Variants in KYAT1 observed in about 807,000 individuals in gnomAD.
KYAT1 encodes kynurenine aminotransferase 1.
KYAT1 carries 47 observed loss-of-function variants against 52.4 expected under a neutral mutation model. The observed-to-expected ratio is 0.90, with a 90% CI of 0.71 to 1.14. KYAT1 has a LOEUF of 1.14. KYAT1 is among the 50% of genes most tolerant of loss of function. KYAT1 has a pLI of 0.00. For synonymous variants in KYAT1, 212 were observed against 209.6 expected, an observed-to-expected ratio of 1.01 and a Z score of -0.10; for missense variants, 480 against 557.9, an observed-to-expected ratio of 0.86 and a Z score of 1.41.
intron 1 of KYAT1, among the ~76,000 whole-genome samples, chr9:128,858,047 T>C (rs774062931): frequency 6.6e-6 from 1 of 151,914 alleles, no homozygotes; most frequent in African/African-American, 2.4e-5. Context: ...AGACAGCCCA[T>C]GGAATGGAAG....
intron 1 of KYAT1, among the ~76,000 whole-genome samples, chr9:128,856,611 A>G (rs549296940): frequency 6.6e-6 from 1 of 152,322 alleles, no homozygotes; most frequent in Admixed American, 6.5e-5. Context: ...TTGAGCTCAC[A>G]AAAACATGTG....
chr9:128,844,586 A>G (rs1264553609), intron 2 of KYAT1, among the ~76,000 whole-genome samples: 1 of 149,618 alleles, frequency 6.7e-6, no homozygotes, highest in Non-Finnish European at 1.5e-5. Flanking sequence ...GCTACTTGGG[A>G]GGCTGAGGCA....
At chr9:128,870,684 G>A (rs574390950) in intron 1 of KYAT1, among the ~76,000 whole-genome samples, 1 of 152,204 alleles carries the variant, frequency 6.6e-6, no homozygotes, top group South Asian at 2.1e-4. Flanking sequence ...GACAAAAAAG[G>A]TCACATAGCT....
At chr9:128,834,862 A>C (rs1292260514) in intron 11 of KYAT1, among the ~76,000 whole-genome samples, 2 of 127,548 alleles carry the variant, frequency 1.6e-5, no homozygotes, top group African/African-American at 6.2e-5. Context: ...AAAGGCCAGG[A>C]GCAGTGGCTC....
At chr9:128,857,010 T>C (rs1257202059) in intron 1 of KYAT1, among the ~76,000 whole-genome samples, 1 of 152,390 alleles carries the variant, frequency 6.6e-6, no homozygotes, top group East Asian at 1.9e-4. Flanking sequence ...TATACATTTG[T>C]TCAATTCTGA....
intron 1 of KYAT1, among the ~76,000 whole-genome samples, chr9:128,865,528 A>C (rs1836253187): frequency 6.7e-6 from 1 of 149,552 alleles, no homozygotes; most frequent in African/African-American, 2.5e-5. Context: ...ACACCAGGCT[A>C]ATTTTGTATT....
chr9:128,869,620 G>A (rs1836942421), intron 1 of KYAT1, among the ~76,000 whole-genome samples: 1 of 152,184 alleles, frequency 6.6e-6, no homozygotes, highest in East Asian at 1.9e-4. Context: ...TTATTGCAGA[G>A]ATGGGGTCTC....
intron 1 of KYAT1, among the ~76,000 whole-genome samples, chr9:128,854,593 G>GGTAAC (rs1834364313): frequency 6.6e-6 from 1 of 152,132 alleles, no homozygotes; most frequent in South Asian, 2.1e-4. Context: ...AGTACACAAG[G>GGTAAC]GTAACACAAA....
At chr9:128,867,816 A>C (rs1836619128) in intron 1 of KYAT1, among the ~76,000 whole-genome samples, 1 of 152,274 alleles carries the variant, frequency 6.6e-6, no homozygotes, top group Non-Finnish European at 1.5e-5. Flanking sequence ...TCTGTCGCCC[A>C]GGCTGGAGTG....
In KYAT1 at chr9:128,843,533, C is replaced by T. The variant is rs977471787; in HGVS notation, c.54-732G>A. On this transcript the variant is annotated intron_variant, in intron 2 of 12. Coordinates refer to ENST00000302586, the MANE Select transcript of KYAT1 (RefSeq NM_004059.5). ...AGCTGGGATTACAGGCACCCGCCAC[C>T]ACGCCCAGCTAATTTTTGTATTTTT... Among the ~76,000 whole-genome samples the T allele has an allele frequency of 2.6e-5, 4 of 152,082 alleles. No homozygotes were observed. In the South Asian group the frequency reaches 8.3e-4, roughly 32 times the overall value.
At chr9:128,869,997 C>T (rs1296672828) in intron 1 of KYAT1, among the ~76,000 whole-genome samples, 1 of 151,718 alleles carries the variant, frequency 6.6e-6, no homozygotes, top group Non-Finnish European at 1.5e-5. Context: ...CAGGTGATCC[C>T]CCCGCCTCAG....
chr9:128,847,530 C>T, intron 1 of KYAT1: 1 of 1,533,970 alleles, frequency 6.5e-7, no homozygotes, highest in Non-Finnish European at 8.7e-7. Flanking sequence ...CCTGAACATG[C>T]CTCCCAGAGC....
In KYAT1 at chr9:128,835,666, G is replaced by T; in HGVS notation, c.857C>A (p.Ala286Asp). 1 of 1,609,430 alleles carries T rather than the reference G, an allele frequency of 6.2e-7. No homozygotes were observed. ...SVFHCPTQSQ[A>D]AVAESFEREQ... is the part of the protein sequence containing the mutation. ...CCGTTCAAAGCTCTCGGCTACTGCAGCCTGGGCAGGGCAGATGGACACACA... is the reference window on the plus strand; with the variant it reads ...CCGTTCAAAGCTCTCGGCTACTGCATCCTGGGCAGGGCAGATGGACACACA... The change falls in exon 10 of 13, where the codon GCT (alanine) becomes GAT (aspartate). Residue 286 changes from alanine to aspartate, a missense_variant and splice_region_variant. By Grantham distance (126) the Ala-to-Asp change is moderately radical. Transcript: ENST00000302586.
chr9:128,861,108 G>T (rs1354243490), intron 1 of KYAT1, among the ~76,000 whole-genome samples: 1 of 152,196 alleles, frequency 6.6e-6, no homozygotes, highest in African/African-American at 2.4e-5. Context: ...CAAAGACCGT[G>T]ATATCTGCCA....
intron 3 of KYAT1, 42 bp from the exon 4 acceptor site, chr9:128,838,409 C>A (rs1831531365): frequency 1.9e-6 from 3 of 1,612,132 alleles, no homozygotes; most frequent in Non-Finnish European, 2.5e-6. Flanking sequence ...TCAGCCTGGG[C>A]CCATCCTCCG....
chr9:128,860,829 C>T (rs1835369651), intron 1 of KYAT1, among the ~76,000 whole-genome samples: 1 of 152,114 alleles, frequency 6.6e-6, no homozygotes, highest in Non-Finnish European at 1.5e-5. Context: ...TCCCAAAGTG[C>T]TGGGATTACA....
chr9:128,873,178 T>A (rs1837487286), intron 1 of KYAT1, among the ~76,000 whole-genome samples: 1 of 151,720 alleles, frequency 6.6e-6, no homozygotes, highest in African/African-American at 2.4e-5. Context: ...AAGACAATTG[T>A]TCTGTGACCT....
chr9:128,873,574 C>A (rs892131983), intron 1 of KYAT1, among the ~76,000 whole-genome samples: 9 of 151,708 alleles, frequency 5.9e-5, no homozygotes, highest in African/African-American at 2.2e-4. Context: ...GAGTTTGAGA[C>A]CAGGCTGGCC....
At chr9:128,865,330 TATATATA>T (rs1836111054) in intron 1 of KYAT1, among the ~76,000 whole-genome samples, 3 of 2,464 alleles carry the variant, frequency 1.2e-3, no homozygotes, top group African/African-American at 1.7e-3. Context: ...TATATATATA[TATATATA>T]TATATATATA....
Sources: allele counts gnomAD v4.1 joint callset (sites outside exome capture counted in the v4.1 genomes callset), GRCh38; gene constraint gnomAD v4.1.1; transcripts MANE v1.5; gene names NCBI Gene and HGNC (gene_info 2026-07-23, HGNC 2026-07-21).